SRBD1: variants seen among roughly 807,000 people sequenced by gnomAD.
The protein encoded by SRBD1 is S1 RNA binding domain 1.
A neutral mutation model predicts 115.3 loss-of-function variants in SRBD1; 88 were observed. That is an observed-to-expected ratio of 0.76 (90% CI 0.64 to 0.91). The LOEUF is 0.91. Among genes scored for constraint, SRBD1 ranks in the 40% least tolerant of loss-of-function variants. The probability of loss-of-function intolerance (pLI) is 0.00; values close to 1 mark genes in which losing one functional copy is unlikely to be tolerated. For missense variants in SRBD1, 1,385 were observed against 1,177.4 expected (o/e 1.18, Z -2.58); for synonymous variants, 509 against 407.7 (o/e 1.25, Z -2.99).
chr2:45,419,725 G>C, intron 17 of SRBD1, 63 bp downstream of exon 17: 2 of 1,467,010 alleles, frequency 1.4e-6, no homozygotes, highest in Admixed American at 3.3e-5. Context: ...TTCTAGCCGA[G>C]TTTGGACTGG....
In SRBD1 at chr2:45,585,718, G is replaced by C. The variant is rs770347756; in HGVS notation, c.705C>G (p.Leu235=). 5 of 1,611,824 alleles carry C rather than the reference G, an allele frequency of 3.1e-6. No homozygotes were observed. The highest frequency in any genetic ancestry group is 4.5e-5 in the East Asian group (2 of 44,764). ...AGGGAATTGTGTTATCATCATTAAA[G>C]AGACGAATGATGTTGGCACAAACCC... ...EPWVCANIIR[L]FNDDNTIPFI... is the part of the protein sequence containing the mutation. The change falls in exon 5 of 21, where the codon CTC becomes CTG. Residue 235 remains leucine (L), a synonymous_variant. Coordinates refer to ENST00000263736, the MANE Select transcript of SRBD1 (RefSeq NM_018079.5).
intron 19 of SRBD1, among the ~76,000 whole-genome samples, chr2:45,400,030 G>A (rs1314510767): frequency 6.6e-6 from 1 of 152,082 alleles, no homozygotes; most frequent in East Asian, 1.9e-4. Context: ...CTCTTCCTTG[G>A]GAAACAGCCT....
chr2:45,564,142 T>TA (rs1672754027), intron 9 of SRBD1, among the ~76,000 whole-genome samples: 1 of 152,080 alleles, frequency 6.6e-6, no homozygotes, highest in South Asian at 2.1e-4. Context: ...ATTTAACATC[T>TA]AAAAAATCAA....
At chr2:45,406,148 G>C (rs1193659029) in intron 19 of SRBD1, among the ~76,000 whole-genome samples, 1 of 152,128 alleles carries the variant, frequency 6.6e-6, no homozygotes, top group East Asian at 1.9e-4. Flanking sequence ...AAGACACAGA[G>C]ATCAATACAA....
At chr2:45,454,067 C>A (rs1377923256) in intron 16 of SRBD1, among the ~76,000 whole-genome samples, 1 of 151,874 alleles carries the variant, frequency 6.6e-6, no homozygotes, top group East Asian at 1.9e-4. Context: ...AATGGTGCTA[C>A]AAAAGGAAAA....
At chr2:45,536,826 A>G (rs1671778044) in intron 14 of SRBD1, among the ~76,000 whole-genome samples, 1 of 152,174 alleles carries the variant, frequency 6.6e-6, no homozygotes, top group Non-Finnish European at 1.5e-5. Flanking sequence ...ACTTCTCAGT[A>G]AAGACTCTTG....
intron 19 of SRBD1, among the ~76,000 whole-genome samples, chr2:45,398,642 T>C (rs927791416): frequency 6.6e-6 from 1 of 152,176 alleles, no homozygotes; most frequent in Admixed American, 6.5e-5. Flanking sequence ...CATTACTGAA[T>C]AAGAGTAAAA....
chr2:45,583,753 C>T (rs1489169942), intron 5 of SRBD1, among the ~76,000 whole-genome samples: 1 of 152,094 alleles, frequency 6.6e-6, no homozygotes, highest in Admixed American at 6.5e-5. Flanking sequence ...GATCATATCT[C>T]ATTACCAGAA....
chr2:45,446,166 G>A (rs906637530), intron 16 of SRBD1, among the ~76,000 whole-genome samples: 1 of 152,166 alleles, frequency 6.6e-6, no homozygotes, highest in Non-Finnish European at 1.5e-5. Context: ...AGAACGAATT[G>A]ACATGCCAAA....
At chr2:45,545,036 T>A (rs932338390) in intron 14 of SRBD1, among the ~76,000 whole-genome samples, 1 of 151,798 alleles carries the variant, frequency 6.6e-6, no homozygotes, top group African/African-American at 2.4e-5. Context: ...ATCGCAGCAC[T>A]TTGGGAGGCT....
intron 16 of SRBD1, among the ~76,000 whole-genome samples, chr2:45,439,118 C>G (rs1162446949): frequency 2.6e-5 from 4 of 152,034 alleles, no homozygotes; most frequent in Middle Eastern, 6.8e-3. Flanking sequence ...CACACCACAA[C>G]CACTTGTCAA....
intron 16 of SRBD1, among the ~76,000 whole-genome samples, chr2:45,435,134 T>C (rs572198142): frequency 3.3e-5 from 5 of 152,280 alleles, no homozygotes; most frequent in African/African-American, 1.2e-4. Context: ...TAGTATTCCA[T>C]GGCGTATATG....
chr2:45,562,248 G>C (rs1030015632), intron 10 of SRBD1, among the ~76,000 whole-genome samples: 2 of 152,112 alleles, frequency 1.3e-5, no homozygotes, highest in African/African-American at 4.8e-5. Flanking sequence ...GTTTTCTTGA[G>C]ATGGAGTCTT....
At position 45,389,317 on chromosome 2, in the gene SRBD1, A is replaced by G; in HGVS notation, c.2981T>C (p.Val994Ala). The G allele has an allele frequency of 6.2e-7, 1 of 1,613,094 alleles. No homozygotes were observed. The change falls in exon 21 of 21, where the codon GTG (valine) becomes GCG (alanine). Residue 994 changes from valine to alanine, a missense_variant. By Grantham distance (64) the Val-to-Ala change is moderately conservative. Transcript: ENST00000263736. Reference sequence around the variant, plus strand: ...CTGGCCTTCGTGGGATACTCATAACACCCGAATGAGGTCCAGAGTAATCCT... The same window carrying G: ...CTGGCCTTCGTGGGATACTCATAACGCCCGAATGAGGTCCAGAGTAATCCT... ...RSRITLDLIRVL is the reference protein window; with the variant it reads ...RSRITLDLIRAL
At chr2:45,409,656 T>C (rs1216436226) in intron 19 of SRBD1, among the ~76,000 whole-genome samples, 1 of 152,132 alleles carries the variant, frequency 6.6e-6, no homozygotes, top group Non-Finnish European at 1.5e-5. Context: ...CTAGTAGAAC[T>C]AGTAAGTTAA....
At position 45,543,779 on chromosome 2, in the gene SRBD1, C is replaced by T. The variant is rs116665718; in HGVS notation, c.1874+2953G>A. On this transcript the variant is annotated intron_variant, in intron 14 of 20. Coordinates refer to ENST00000263736, the MANE Select transcript of SRBD1 (RefSeq NM_018079.5). Reference sequence around the variant, plus strand: ...TATTAGCAAACAAATGCAAAAAGTACATTAAAAGACTAATACAGTGTAAGT... The same window carrying T: ...TATTAGCAAACAAATGCAAAAAGTATATTAAAAGACTAATACAGTGTAAGT... 3.7e-3 allele frequency among the ~76,000 whole-genome samples: 558 copies of T among 152,188 alleles called. 10 individuals carry two copies. Among genetic ancestry groups the T allele is most frequent in the African/African-American group, 0.013 (529 of 41,526 alleles).
chr2:45,543,871 G>A (rs761478902), intron 14 of SRBD1, among the ~76,000 whole-genome samples: 1 of 152,020 alleles, frequency 6.6e-6, no homozygotes, highest in Non-Finnish European at 1.5e-5. Context: ...AACCACACGG[G>A]TAGATTTTAA....
In SRBD1 at chr2:45,604,384, AG is replaced by A. The variant is rs1448062282; in HGVS notation, c.80+977del. On this transcript the variant is annotated intron_variant, in intron 2 of 20. Transcript: ENST00000263736. The stretch of plus-strand genomic sequence containing the variant: ...CTACTAACAGGGAGGGGAGAGGGGA[AG>A]GGGGGTGGAGGAAGGGGAGGGCTTA... Among the ~76,000 whole-genome samples the A allele has an allele frequency of 4.5e-3, 190 of 42,332 alleles. 2 individuals are homozygous for A. The highest frequency in any genetic ancestry group is 0.03 in the Middle Eastern group (3 of 100). The allele number at this position is 42,332 out of a possible 152,430, so 27.8% of individuals were successfully genotyped here.
rs371882264 is a variant in SRBD1, at chr2:45,565,958, A to G, written c.1306-3202T>C. Among the ~76,000 whole-genome samples the G allele has an allele frequency of 1.3e-4, 20 of 152,344 alleles. No homozygotes were observed. The East Asian group carries it at 1.7e-3, about 13-fold the overall frequency. On this transcript the variant is annotated intron_variant, in intron 9 of 20. Coordinates refer to ENST00000263736, the MANE Select transcript of SRBD1 (RefSeq NM_018079.5). ...AATTTAAAATGTACAAAAGATCTGAAGAGGTATTTGTTCAAAAATTATATA... is the reference window on the plus strand; with the variant it reads ...AATTTAAAATGTACAAAAGATCTGAGGAGGTATTTGTTCAAAAATTATATA...
Sources: allele counts gnomAD v4.1 joint callset (sites outside exome capture counted in the v4.1 genomes callset), GRCh38; gene constraint gnomAD v4.1.1; transcripts MANE v1.5; gene names NCBI Gene and HGNC (gene_info 2026-07-23, HGNC 2026-07-21).